Variants in RASGRF1 observed in about 807,000 individuals in gnomAD.
The protein encoded by RASGRF1 is Ras protein specific guanine nucleotide releasing factor 1.
A neutral mutation model predicts 138.7 loss-of-function variants in RASGRF1; 40 were observed. The observed-to-expected ratio is 0.29, with a 90% CI of 0.22 to 0.38. The LOEUF (loss-of-function observed/expected upper bound fraction) is 0.38, where lower values mean the gene tolerates loss of function less well. Ranked by LOEUF, RASGRF1 falls within the 10% of genes least tolerant of loss-of-function variation. The pLI is 1.00. For synonymous variants in RASGRF1, 614 were observed against 663.2 expected (o/e 0.93, Z 1.14); for missense variants, 1,108 against 1,650.4 (o/e 0.67, Z 5.69).
rs533173937 is a variant in RASGRF1, at chr15:79,073,304, A to G, written c.277-8778T>C. 1.3e-5 allele frequency among the ~76,000 whole-genome samples: 2 copies of G among 152,198 alleles called. No homozygotes were observed. Among genetic ancestry groups the G allele is most frequent in the South Asian group, 2.1e-4 (1 of 4,818 alleles). ...GCCTGATAAGCCCATGGCTCTTTCT[A>G]AGGGCAGCTGGTTCCTGTGGGGAAG... On this transcript the variant is annotated intron_variant, in intron 1 of 26. Coordinates refer to ENST00000558480, the MANE Select transcript of RASGRF1 (RefSeq NM_001145648.3). This position sits in a 1 kb window ranked among gnomAD's most constrained non-coding sequence, Gnocchi z 4.2.
intron 26 of RASGRF1, among the ~76,000 whole-genome samples, chr15:78,966,104 C>A (rs1383897538): frequency 6.6e-6 from 1 of 152,086 alleles, no homozygotes; most frequent in African/African-American, 2.4e-5. Flanking sequence ...GGCCTGATTC[C>A]CTTAGTGCTT....
At position 78,973,190 on chromosome 15, in the gene RASGRF1, G is replaced by A. The variant is rs1484127500; in HGVS notation, c.3612+113C>T. ...GAAGCTGGACCCAGGCTCCCAAATG[G>A]GGGCACCCTATGCAGCAGGTTGGGC... On this transcript the variant is annotated intron_variant, in intron 25 of 26. Transcript: ENST00000558480. The surrounding 1 kb of genome is among the most constrained non-coding windows in gnomAD (Gnocchi z 4.9). The A allele has an allele frequency of 3.7e-6, 3 of 805,246 alleles. No individual in the cohort carries two copies. Among genetic ancestry groups the A allele is most frequent in the East Asian group, 5.2e-5 (2 of 38,222 alleles). 49.9% of individuals were successfully genotyped at this position (805,246 alleles called of 1,614,324 possible).
At position 78,970,030 on chromosome 15, in the gene RASGRF1, C is replaced by T. The variant is rs183979760; in HGVS notation, c.3681+1836G>A. Among the ~76,000 whole-genome samples, 10 of 152,306 alleles carry T rather than the reference C, an allele frequency of 6.6e-5. No homozygotes were observed. The East Asian group carries it at 1.9e-3, about 29-fold the overall frequency. ...TTCGATACGGCTATCAGCTATAAAG[C>T]AGATCATGAGTTCTCAGAATATGGC... On this transcript the variant is annotated intron_variant, in intron 26 of 26. Coordinates refer to ENST00000558480, the MANE Select transcript of RASGRF1 (RefSeq NM_001145648.3).
chr15:79,028,227 C>A (rs752170605), intron 8 of RASGRF1, among the ~76,000 whole-genome samples: 1 of 152,154 alleles, frequency 6.6e-6, no homozygotes, highest in Admixed American at 6.5e-5. Flanking sequence ...CAGGAGACAT[C>A]CTGTGTTCAT....
In RASGRF1 at chr15:79,006,034, G is replaced by C; in HGVS notation, c.2075+152C>G. 8.8e-7 allele frequency: 1 copy of C among 1,133,414 alleles called. No homozygotes were observed. The highest frequency in any genetic ancestry group is 1.2e-6 in the Non-Finnish European group (1 of 808,168). 70.2% of individuals were successfully genotyped at this position (1,133,414 alleles called of 1,614,324 possible). The stretch of plus-strand genomic sequence containing the variant: ...GGAGGCTTGGTTCCTGGGGAGAGGG[G>C]GCAGTGGCGGTGTGTGTCCCGCAGC... On this transcript the variant is annotated intron_variant, in intron 14 of 26. Coordinates refer to ENST00000558480, the MANE Select transcript of RASGRF1 (RefSeq NM_001145648.3). The surrounding 1 kb of genome is among the most constrained non-coding windows in gnomAD (Gnocchi z 4.0).
intron 14 of RASGRF1, chr15:79,004,789 G>A: frequency 1.0e-6 from 1 of 985,514 alleles, no homozygotes; most frequent in Non-Finnish European, 1.2e-6. Context: ...GCAAACCATA[G>A]CTTGTCTCAT....
At chr15:79,089,074 C>T (rs969933878) in intron 1 of RASGRF1, among the ~76,000 whole-genome samples, 2 of 152,212 alleles carry the variant, frequency 1.3e-5, no homozygotes, top group African/African-American at 2.4e-5. Context: ...TCAATCACCA[C>T]CAGTCTGTGT....
At position 79,047,087 on chromosome 15, in the gene RASGRF1, G is replaced by A. The variant is rs2057364373; in HGVS notation, c.625-88C>T. On this transcript the variant is annotated intron_variant, in intron 4 of 26. Coordinates refer to ENST00000558480, the MANE Select transcript of RASGRF1 (RefSeq NM_001145648.3). ...CAGGCTGTGAGCTCCCCAAGGGTAGGAACCAAGGCTTTGTTATTCCTACGC... is the reference window on the plus strand; with the variant it reads ...CAGGCTGTGAGCTCCCCAAGGGTAGAAACCAAGGCTTTGTTATTCCTACGC... The A allele has an allele frequency of 9.3e-6, 14 of 1,505,238 alleles. No individual in the cohort carries two copies. In the South Asian group the frequency reaches 1.6e-4, roughly 17 times the overall value. 93.2% of individuals were successfully genotyped at this position (1,505,238 alleles called of 1,614,324 possible).
chr15:79,058,113 C>A (rs554440948), intron 3 of RASGRF1, among the ~76,000 whole-genome samples: 1 of 152,324 alleles, frequency 6.6e-6, no homozygotes, highest in African/African-American at 2.4e-5. Context: ...GGGACTTGTT[C>A]CAGGTTGCAG....
intron 1 of RASGRF1, among the ~76,000 whole-genome samples, chr15:79,072,330 C>G (rs918763126): frequency 1.6e-4 from 19 of 118,940 alleles, no homozygotes; most frequent in Non-Finnish European, 3.2e-5. Flanking sequence ...GGCTGGAGTG[C>G]AGTGGCATGA....
In RASGRF1 at chr15:79,014,777, C is replaced by T. The variant is rs542192949; in HGVS notation, c.1826+550G>A. On this transcript the variant is annotated intron_variant, in intron 13 of 26. Transcript: ENST00000558480. ...CTAAAAATACAAAACATTAGCCAGG[C>T]ATGGTGGCACACGCCTGTAGTTCCA... 1.0e-3 allele frequency among the ~76,000 whole-genome samples: 154 copies of T among 152,058 alleles called. 1 individual carries two copies. The highest frequency in any genetic ancestry group is 3.2e-3 in the Admixed American group (49 of 15,292).
intron 15 of RASGRF1, among the ~76,000 whole-genome samples, chr15:79,002,970 C>G (rs555792617): frequency 1.3e-5 from 2 of 152,348 alleles, no homozygotes; most frequent in African/African-American, 4.8e-5. Flanking sequence ...ATGTGCTAAC[C>G]GAGACAATGC....
At chr15:79,063,317 T>C (rs1486665645) in intron 2 of RASGRF1, among the ~76,000 whole-genome samples, 2 of 152,218 alleles carry the variant, frequency 1.3e-5, no homozygotes, top group African/African-American at 4.8e-5. Flanking sequence ...GAACTAGAGA[T>C]GGCCTTATCT....
Position 78,980,607 on chromosome 15 carries a change from G to T in RASGRF1, c.3494+13C>A. The T allele has an allele frequency of 6.3e-7, 1 of 1,582,754 alleles. No homozygotes were observed. The highest frequency in any genetic ancestry group is 1.1e-5 in the South Asian group (1 of 89,678). ...ATTTTAAAAATAACAGCGACAAAAC[G>T]ACACACACTTACTTTTTCAGAGCTT... On this transcript the variant is annotated intron_variant, in intron 24 of 26. Coordinates refer to ENST00000558480, the MANE Select transcript of RASGRF1 (RefSeq NM_001145648.3).
Position 79,090,205 on chromosome 15 carries a change from ACG to A in RASGRF1, c.276+16_276+17del, listed in dbSNP as rs756628469. On this transcript the variant is annotated intron_variant, in intron 1 of 26. Transcript: ENST00000558480. ...GCGGCCGGGACGCAGGGAGGTCAGG[ACG>A]CGACGCTCGCCTCACCTGTTTCTCC... The A allele has an allele frequency of 6.3e-7, 1 of 1,584,768 alleles. No individual in the cohort carries two copies. The highest frequency in any genetic ancestry group is 8.6e-7 in the Non-Finnish European group (1 of 1,169,128).
At chr15:79,039,454 G>C (rs1214823716) in intron 5 of RASGRF1, among the ~76,000 whole-genome samples, 1 of 151,958 alleles carries the variant, frequency 6.6e-6, no homozygotes, top group Non-Finnish European at 1.5e-5. Flanking sequence ...TTTAATTACA[G>C]GTGGGGAATT....
chr15:79,060,031 C>T (rs942915052), intron 2 of RASGRF1, among the ~76,000 whole-genome samples: 36 of 146,706 alleles, frequency 2.5e-4, no homozygotes, highest in African/African-American at 8.1e-4. Flanking sequence ...CACACACACA[C>T]GGTGTCTGAG....
intron 3 of RASGRF1, among the ~76,000 whole-genome samples, chr15:79,057,418 C>T (rs990209620): frequency 2.0e-5 from 3 of 152,272 alleles, no homozygotes; most frequent in African/African-American, 7.2e-5. Flanking sequence ...TGGCCTGGGC[C>T]TTGCATTTTC....
At chr15:79,043,576 C>T (rs904783677) in intron 5 of RASGRF1, among the ~76,000 whole-genome samples, 2 of 152,188 alleles carry the variant, frequency 1.3e-5, no homozygotes, top group African/African-American at 2.4e-5. Flanking sequence ...ATTCACCAGG[C>T]TGCTGCTATT....
Sources: allele counts gnomAD v4.1 joint callset (sites outside exome capture counted in the v4.1 genomes callset), GRCh38; gene constraint gnomAD v4.1.1; non-coding constraint Gnocchi (gnomAD v3.1); transcripts MANE v1.5; gene names NCBI Gene and HGNC (gene_info 2026-07-23, HGNC 2026-07-21).